UST: variants seen among roughly 807,000 people sequenced by gnomAD.
UST encodes chondroitin sulfate 2-O-sulfotransferase.
Under a neutral mutation model 45.6 loss-of-function variants are expected in UST, and 21 were observed. The ratio of observed to expected loss-of-function variants is 0.46; its 90% confidence interval spans 0.33 to 0.66. The LOEUF (loss-of-function observed/expected upper bound fraction) is 0.66, where lower values mean the gene tolerates loss of function less well. Among genes scored for constraint, UST ranks in the 30% least tolerant of loss-of-function variants. The pLI, the probability that UST is intolerant of heterozygous loss-of-function variation, is 0.02. For missense variants in UST, 463 were observed against 512.4 expected (o/e 0.90, Z 0.93); for synonymous variants, 215 against 200.6 (o/e 1.07, Z -0.61).
chr6:148,954,418 G>A (rs1172702996), intron 4 of UST, among the ~76,000 whole-genome samples: 2 of 152,026 alleles, frequency 1.3e-5, no homozygotes, highest in African/African-American at 4.8e-5. Flanking sequence ...ACGACATTTT[G>A]GTCAATGACA....
At chr6:148,842,019 T>G (rs149351517) in intron 1 of UST, among the ~76,000 whole-genome samples, 1 of 152,050 alleles carries the variant, frequency 6.6e-6, no homozygotes, top group Non-Finnish European at 1.5e-5. Flanking sequence ...GGCAGGAGAA[T>G]CACTTGAACC....
intron 7 of UST, among the ~76,000 whole-genome samples, chr6:149,055,805 G>A (rs1776553404): frequency 6.6e-6 from 1 of 152,158 alleles, no homozygotes; most frequent in Non-Finnish European, 1.5e-5. Flanking sequence ...TGCATCAAAA[G>A]TCTAACCTGA....
chr6:148,798,341 T>G (rs1412579765), intron 1 of UST, among the ~76,000 whole-genome samples: 1 of 152,036 alleles, frequency 6.6e-6, no homozygotes, highest in Non-Finnish European at 1.5e-5. Flanking sequence ...TGCTAATATA[T>G]GAAGAGGAGT....
chr6:148,836,429 G>T (rs1439309091), intron 1 of UST, among the ~76,000 whole-genome samples: 1 of 152,134 alleles, frequency 6.6e-6, no homozygotes, highest in Non-Finnish European at 1.5e-5. Context: ...GGCAGTGTTT[G>T]ACACAACTAC....
chr6:148,879,410 A>G (rs1778782437), intron 1 of UST, among the ~76,000 whole-genome samples: 1 of 152,244 alleles, frequency 6.6e-6, no homozygotes, highest in Non-Finnish European at 1.5e-5. Context: ...TTCAGCCTGG[A>G]TTATGAAGTA....
intron 1 of UST, among the ~76,000 whole-genome samples, chr6:148,797,865 TAGG>T (rs1776982520): frequency 6.6e-6 from 1 of 152,042 alleles, no homozygotes; most frequent in South Asian, 2.1e-4. Flanking sequence ...AGATGGGTGC[TAGG>T]AGGGTAGGAG....
At chr6:149,059,013 G>T (rs1259146706) in intron 7 of UST, among the ~76,000 whole-genome samples, 3 of 152,140 alleles carry the variant, frequency 2.0e-5, no homozygotes, top group African/African-American at 7.2e-5. Flanking sequence ...AATGGTCTGG[G>T]CCATGATGCC....
chr6:148,858,674 C>A (rs1248323720), intron 1 of UST, among the ~76,000 whole-genome samples: 1 of 151,928 alleles, frequency 6.6e-6, no homozygotes, highest in African/African-American at 2.4e-5. Flanking sequence ...CAGGCCCGGG[C>A]GTGTGATGTT....
chr6:148,922,426 T>C (rs757460301), intron 2 of UST, among the ~76,000 whole-genome samples: 17 of 152,096 alleles, frequency 1.1e-4, no homozygotes, highest in Non-Finnish European at 1.3e-4. Flanking sequence ...ATGTAGGAGG[T>C]ATCAGTTCAT....
intron 1 of UST, among the ~76,000 whole-genome samples, chr6:148,802,154 T>C (rs1042319131): frequency 6.6e-6 from 1 of 152,176 alleles, no homozygotes; most frequent in African/African-American, 2.4e-5. Context: ...GCTTGTTGAG[T>C]GTACATTGCT....
intron 2 of UST, among the ~76,000 whole-genome samples, chr6:148,923,898 C>T (rs1322426149): frequency 6.6e-6 from 1 of 152,170 alleles, no homozygotes; most frequent in African/African-American, 2.4e-5. Flanking sequence ...TGACATTCAA[C>T]AAAGGATTTA....
intron 1 of UST, among the ~76,000 whole-genome samples, chr6:148,849,612 A>G (rs1778066553): frequency 6.6e-6 from 1 of 152,204 alleles, no homozygotes. Context: ...TCAGAAAACT[A>G]CAATCATGGT....
At chr6:148,787,845 A>G (rs914099853) in intron 1 of UST, among the ~76,000 whole-genome samples, 25 of 152,234 alleles carry the variant, frequency 1.6e-4, no homozygotes, top group Non-Finnish European at 3.4e-4. Context: ...TGACAGTGCT[A>G]TTAAAAAATT....
chr6:148,866,290 C>T (rs1040388943), intron 1 of UST, among the ~76,000 whole-genome samples: 3 of 152,072 alleles, frequency 2.0e-5, no homozygotes, highest in Non-Finnish European at 2.9e-5. Context: ...TCAAAATCTG[C>T]CCCTTTATTA....
intron 3 of UST, among the ~76,000 whole-genome samples, chr6:148,949,761 T>C (rs1780328138): frequency 6.6e-6 from 1 of 152,318 alleles, no homozygotes; most frequent in East Asian, 1.9e-4. Flanking sequence ...GTAGGCTTTC[T>C]AGGGGATAAA....
At chr6:148,844,496 C>T (rs898267175) in intron 1 of UST, among the ~76,000 whole-genome samples, 21 of 152,122 alleles carry the variant, frequency 1.4e-4, no homozygotes, top group African/African-American at 5.1e-4. Context: ...TCTGCTTAAC[C>T]GTTGATCCAG....
chr6:149,044,404 C>T (rs781344860), intron 7 of UST, among the ~76,000 whole-genome samples: 64 of 152,152 alleles, frequency 4.2e-4, no homozygotes, highest in Non-Finnish European at 8.1e-4. Context: ...TGGTTAAAGT[C>T]TCCCATTTCC....
chr6:149,019,271 C>G (rs371379181), intron 6 of UST, 35 bp downstream of exon 6: 5 of 1,546,888 alleles, frequency 3.2e-6, no homozygotes, highest in Middle Eastern at 1.7e-4. Context: ...CATGCACGTA[C>G]GCACAACAAG....
chr6:149,062,581 C>G (rs1265910557), intron 7 of UST, among the ~76,000 whole-genome samples: 2 of 152,222 alleles, frequency 1.3e-5, no homozygotes. Context: ...TTCCCCTCAT[C>G]TTAGAACACT....
Sources: allele counts gnomAD v4.1 joint callset (sites outside exome capture counted in the v4.1 genomes callset), GRCh38; gene constraint gnomAD v4.1.1; transcripts MANE v1.5; gene names NCBI Gene and HGNC (gene_info 2026-07-23, HGNC 2026-07-21).